Variants in NOTUM observed in about 807,000 individuals in gnomAD.
The protein encoded by NOTUM is notum, palmitoleoyl-protein carboxylesterase, also known as palmitoleoyl-protein carboxylesterase NOTUM.
A neutral mutation model predicts 65.5 loss-of-function variants in NOTUM; 36 were observed. That is an observed-to-expected ratio of 0.55 (90% CI 0.42 to 0.73). The LOEUF is 0.73. Ranked by LOEUF, NOTUM falls within the 30% of genes least tolerant of loss-of-function variation. NOTUM has a pLI of 0.00. For missense variants in NOTUM, 659 were observed against 694.2 expected (o/e 0.95, Z 0.57); for synonymous variants, 356 against 297.9 (o/e 1.20, Z -2.01).
chr17:81,955,504 C>A lies in NOTUM; in HGVS notation c.1029G>T (p.Gln343His). Residue 343 changes from glutamine to histidine, a missense_variant, in exon 9 of 11, where the codon CAG becomes CAT. By Grantham distance (24) the Gln-to-His change is conservative. Transcript: ENST00000409678. The part of the protein sequence containing the change: ...FVVQWLFDEA[Q>H]LTVDNVHLTG... ...TCAGGTGCACGTTGTCCACCGTCAGCTGTGCCTCGTCAAACAGCCACTGCA... is the reference window on the plus strand; with the variant it reads ...TCAGGTGCACGTTGTCCACCGTCAGATGTGCCTCGTCAAACAGCCACTGCA... The A allele has an allele frequency of 6.2e-7, 1 of 1,611,562 alleles. No individual in the cohort carries two copies. Among genetic ancestry groups the A allele is most frequent in the Non-Finnish European group, 8.5e-7 (1 of 1,179,450 alleles).
At position 81,955,383 on chromosome 17, in the gene NOTUM, G is replaced by A. The variant is rs371157648; in HGVS notation, c.1136+14C>T. On this transcript the variant is annotated intron_variant, in intron 9 of 10. Coordinates refer to ENST00000409678, the MANE Select transcript of NOTUM (RefSeq NM_178493.6). ...AGCTACCCGGCGTGGGGCTCCCGGG[G>A]CCCACACACTCACGGCACGTCCTTG... is the stretch of plus-strand genomic sequence containing the variant. The A allele has an allele frequency of 1.3e-6, 2 of 1,553,838 alleles. No homozygotes were observed. Among genetic ancestry groups the A allele is most frequent in the Non-Finnish European group, 1.7e-6 (2 of 1,144,920 alleles).
chr17:81,960,888 G>A lies in NOTUM; in HGVS notation c.22C>T (p.Leu8=). The A allele has an allele frequency of 2.2e-6, 3 of 1,375,592 alleles. No individual in the cohort carries two copies. The highest frequency in any genetic ancestry group is 2.8e-6 in the Non-Finnish European group (3 of 1,067,292). The allele number at this position is 1,375,592 out of a possible 1,614,324, so 85.2% of individuals were successfully genotyped here. MGRGVRV[L]LLLSLLHCAG... is the part of the protein sequence containing the mutation. ...CAGTGCAGCAGGCTCAGCAGCAGCAGCACGCGCACCCCTCGGCCCATGGCC... is the reference window on the plus strand; with the variant it reads ...CAGTGCAGCAGGCTCAGCAGCAGCAACACGCGCACCCCTCGGCCCATGGCC... Residue 8 remains leucine, a synonymous_variant, in exon 1 of 11, where the codon CTG becomes TTG. Transcript: ENST00000409678. This position sits in a 1 kb window ranked among gnomAD's most constrained non-coding sequence, Gnocchi z 6.4.
At chr17:81,959,997 T>C (rs2041462148) in intron 1 of NOTUM, among the ~76,000 whole-genome samples, 1 of 151,712 alleles carries the variant, frequency 6.6e-6, no homozygotes, top group Non-Finnish European at 1.5e-5. Flanking sequence ...GCGGCGGCGC[T>C]TGAAGCGTGA....
Position 81,956,639 on chromosome 17 carries a change from C to T in NOTUM, c.988+11G>A, listed in dbSNP as rs372347873. The stretch of plus-strand genomic sequence containing the variant: ...TGCTGCCCTGTGTGCTCCGCTCTGC[C>T]GCCCACTCACAGCGCAGGGTCGGGT... On this transcript the variant is annotated intron_variant, in intron 8 of 10. Coordinates refer to ENST00000409678, the MANE Select transcript of NOTUM (RefSeq NM_178493.6). 107 of 1,583,590 alleles carry T rather than the reference C, an allele frequency of 6.8e-5. No homozygotes were observed. Among genetic ancestry groups the T allele is most frequent in the South Asian group, 2.1e-4 (19 of 90,206 alleles).
chr17:81,954,772 A>C (rs896024428), intron 9 of NOTUM, among the ~76,000 whole-genome samples: 1 of 149,800 alleles, frequency 6.7e-6, no homozygotes, highest in Non-Finnish European at 1.5e-5. Context: ...TGATGCCACC[A>C]TGCCTGGATA....
chr17:81,960,975 G>C lies in NOTUM; in HGVS notation c.-66C>G. On this transcript the variant is annotated 5_prime_UTR_variant, in exon 1 of 11. Coordinates refer to ENST00000409678, the MANE Select transcript of NOTUM (RefSeq NM_178493.6). This position sits in a 1 kb window ranked among gnomAD's most constrained non-coding sequence, Gnocchi z 6.4. ...CGGCGGCGGCGGCGGGGGATGCCGG[G>C]CCGGGGGTGCCGGGCCGGGGGTGTC... 3 of 855,438 alleles carry C rather than the reference G, an allele frequency of 3.5e-6. No homozygotes were observed. Among genetic ancestry groups the C allele is most frequent in the Non-Finnish European group, 4.5e-6 (3 of 672,404 alleles). The allele number at this position is 855,438 out of a possible 1,614,324, so 53.0% of individuals were successfully genotyped here.
chr17:81,959,123 C>A, intron 3 of NOTUM, 128 bp from the exon 4 acceptor site: 1 of 801,008 alleles, frequency 1.2e-6, no homozygotes, highest in Non-Finnish European at 2.1e-6. Flanking sequence ...TGTTGCTAGC[C>A]CGAACCAAGG....
intron 3 of NOTUM, chr17:81,959,260 G>A (rs1567939510): frequency 4.9e-6 from 3 of 610,768 alleles, no homozygotes; most frequent in Non-Finnish European, 5.8e-6. Context: ...TTGACCCTGG[G>A]GAGGGCCAGA....
chr17:81,959,441 G>C lies in NOTUM; in HGVS notation c.472+30C>G, dbSNP rs575365959. The stretch of plus-strand genomic sequence containing the variant: ...GCGGCTTCCTCCCGGGCCTCACGTC[G>C]AGACGCCTTCCCCAGGGCCCGCCGC... On this transcript the variant is annotated intron_variant, in intron 3 of 10. Coordinates refer to ENST00000409678, the MANE Select transcript of NOTUM (RefSeq NM_178493.6). The C allele has an allele frequency of 4.0e-4, 606 of 1,515,746 alleles. 10 individuals are homozygous for C. The South Asian group carries it at 7.0e-3, about 17-fold the overall frequency. 93.9% of individuals were successfully genotyped at this position (1,515,746 alleles called of 1,614,324 possible).
In NOTUM at chr17:81,953,260, T is replaced by A. The variant is rs1354749948; in HGVS notation, c.1192A>T (p.Thr398Ser). 2 of 1,602,780 alleles carry A rather than the reference T, an allele frequency of 1.2e-6. No homozygotes were observed. The highest frequency in any genetic ancestry group is 2.2e-5 in the South Asian group (2 of 90,298). The change falls in exon 11 of 11, where the codon ACG (threonine) becomes TCG (serine). Residue 398 changes from threonine (T) to serine (S), a missense_variant. Coordinates refer to ENST00000409678, the MANE Select transcript of NOTUM (RefSeq NM_178493.6). Reference sequence around the variant, plus strand: ...GACGTCCCCTTCACCTGGACATCCGTCCAGTGGCTGCAGAGGAAAACCGGG... The same window carrying A: ...GACGTCCCCTTCACCTGGACATCCGACCAGTGGCTGCAGAGGAAAACCGGG... ...SHEIIIRSHWTDVQVKGTSLP... is the reference protein window; with the variant it reads ...SHEIIIRSHWSDVQVKGTSLP...
chr17:81,955,547 G>A lies in NOTUM; in HGVS notation c.989-3C>T. 1 of 1,608,094 alleles carries A rather than the reference G, an allele frequency of 6.2e-7. No homozygotes were observed. The highest frequency in any genetic ancestry group is 1.1e-5 in the South Asian group (1 of 90,862). On this transcript the variant is annotated splice_polypyrimidine_tract_variant and splice_region_variant and intron_variant, in intron 8 of 10. Transcript: ENST00000409678. ...CCACTGCACCACGAACACAGGGCCT[G>A]CGGGCGGCGGGGCTCAGTTCGGCCT...
At chr17:81,956,227 G>A (rs1017825259) in intron 8 of NOTUM, among the ~76,000 whole-genome samples, 1 of 152,146 alleles carries the variant, frequency 6.6e-6, no homozygotes, top group Non-Finnish European at 1.5e-5. Context: ...TGATGCCCTT[G>A]CATATAACCT....
intron 8 of NOTUM, among the ~76,000 whole-genome samples, 199 bp from the exon 9 acceptor site, chr17:81,955,743 G>A (rs1318685712): frequency 1.2e-5 from 1 of 84,062 alleles, no homozygotes; most frequent in Non-Finnish European, 2.3e-5. Flanking sequence ...CCCCACCCCA[G>A]GCTCAGAGTT....
Position 81,953,543 on chromosome 17 carries a change from A to G in NOTUM, c.1185-276T>C, listed in dbSNP as rs1302797318. 3.3e-5 allele frequency among the ~76,000 whole-genome samples: 5 copies of G among 151,952 alleles called. No individual in the cohort carries two copies. The South Asian group carries it at 6.2e-4, about 19-fold the overall frequency. Reference sequence around the variant, plus strand: ...AACTGACGTCAGGTGATCTGCCCCCATTGGCCTCCCAAAGTGCTGAGATAA... The same window carrying G: ...AACTGACGTCAGGTGATCTGCCCCCGTTGGCCTCCCAAAGTGCTGAGATAA... On this transcript the variant is annotated intron_variant, in intron 10 of 10. Transcript: ENST00000409678.
In NOTUM at chr17:81,960,652, G is replaced by A. The variant is rs1325898180; in HGVS notation, c.258C>T (p.Asn86=). ...GTAGGAGGTGCAGGCGCAGGTCCTC[G>A]TTGAGCTGCTGCGCGGAGCAGGGGT... ...SLYPCSAQQL[N]EDLRLHLLLN... Residue 86 remains asparagine (N), a synonymous_variant, in exon 1 of 11, where the codon AAC becomes AAT. Coordinates refer to ENST00000409678, the MANE Select transcript of NOTUM (RefSeq NM_178493.6). This position sits in a 1 kb window ranked among gnomAD's most constrained non-coding sequence, Gnocchi z 6.4. 1.3e-6 allele frequency: 2 copies of A among 1,579,816 alleles called. No homozygotes were observed. Among genetic ancestry groups the A allele is most frequent in the East Asian group, 2.3e-5 (1 of 43,466 alleles).
At position 81,960,592 on chromosome 17, in the gene NOTUM, G is replaced by A. The variant is rs1403478628; in HGVS notation, c.318C>T (p.Pro106=). 3 of 1,501,470 alleles carry A rather than the reference G, an allele frequency of 2.0e-6. No homozygotes were observed. Among genetic ancestry groups the A allele is most frequent in the South Asian group, 1.2e-5 (1 of 80,574 alleles). The allele number at this position is 1,501,470 out of a possible 1,614,324, so 93.0% of individuals were successfully genotyped here. A position where few individuals can be genotyped will look rare whatever the true frequency, so the allele number is the denominator to read the frequency against. The change falls in exon 1 of 11, where the codon CCC becomes CCT. Residue 106 remains proline, a synonymous_variant. Coordinates refer to ENST00000409678, the MANE Select transcript of NOTUM (RefSeq NM_178493.6). This position sits in a 1 kb window ranked among gnomAD's most constrained non-coding sequence, Gnocchi z 6.4. ...NTSVTCNDGS[P]AGYYLKESRG... is the part of the protein sequence containing the mutation. ...GTGCAGGGCGCGGGCCTTACCCGGC[G>A]GGGCTGCCGTCGTTGCAGGTCACCG...
At chr17:81,957,637 A>G (rs900332209) in intron 6 of NOTUM, among the ~76,000 whole-genome samples, 169 bp downstream of exon 6, 1 of 152,020 alleles carries the variant, frequency 6.6e-6, no homozygotes, top group African/African-American at 2.4e-5. Flanking sequence ...GACGTCTCCA[A>G]TGATGCGGGT....
chr17:81,955,144 T>C (rs148023777), intron 9 of NOTUM, among the ~76,000 whole-genome samples: 1 of 152,196 alleles, frequency 6.6e-6, no homozygotes, highest in Non-Finnish European at 1.5e-5. Context: ...TACACCGGAC[T>C]AATTTTTTGC....
rs1215172302 is a variant in NOTUM, at chr17:81,960,893, C to T, written c.17G>A (p.Arg6His). The T allele has an allele frequency of 2.9e-6, 4 of 1,369,726 alleles. No homozygotes were observed. Among genetic ancestry groups the T allele is most frequent in the Non-Finnish European group, 3.8e-6 (4 of 1,064,106 alleles). 84.8% of individuals were successfully genotyped at this position (1,369,726 alleles called of 1,614,324 possible). A position where few individuals can be genotyped will look rare whatever the true frequency, so the allele number is the denominator to read the frequency against. The change falls in exon 1 of 11, where the codon CGC becomes CAC. Residue 6 changes from arginine (R) to histidine (H), a missense_variant. Coordinates refer to ENST00000409678, the MANE Select transcript of NOTUM (RefSeq NM_178493.6). The surrounding 1 kb of genome is among the most constrained non-coding windows in gnomAD (Gnocchi z 6.4). The stretch of plus-strand genomic sequence containing the variant: ...CAGCAGGCTCAGCAGCAGCAGCACG[C>T]GCACCCCTCGGCCCATGGCCGCGTC... MGRGV[R>H]VLLLLSLLHC... is the part of the protein sequence containing the mutation.
Sources: gnomAD v4.1 joint callset for allele counts (sites outside exome capture counted in the v4.1 genomes callset) on GRCh38, gnomAD v4.1.1 for gene constraint, Gnocchi (gnomAD v3.1) non-coding constraint, MANE v1.5 for transcripts, NCBI Gene and HGNC (gene_info 2026-07-23, HGNC 2026-07-21) for gene names.